The following SOX6 variants were observed in gnomAD, a reference collection of about 807,000 sequenced individuals.
SOX6 encodes SRY-box transcription factor 6.
A neutral mutation model predicts 97.8 loss-of-function variants in SOX6; 11 were observed. That is an observed-to-expected ratio of 0.11 (90% CI 0.07 to 0.19). The LOEUF is 0.19. SOX6 is among the 10% of genes least tolerant of loss of function. The pLI is 1.00. For missense variants in SOX6, 810 were observed against 1,039.5 expected, an observed-to-expected ratio of 0.78 and a Z score of 3.04; for synonymous variants, 360 against 371.4, an observed-to-expected ratio of 0.97 and a Z score of 0.35.
At chr11:16,079,042 C>A (rs927872606) in intron 9 of SOX6, among the ~76,000 whole-genome samples, 1 of 152,078 alleles carries the variant, frequency 6.6e-6, no homozygotes, top group African/African-American at 2.4e-5. Context: ...TGAGTTTCTA[C>A]GAAACACCAT....
chr11:16,398,434 G>A (rs770237537), intron 1 of SOX6, among the ~76,000 whole-genome samples: 4 of 151,356 alleles, frequency 2.6e-5, no homozygotes, highest in African/African-American at 9.7e-5. Context: ...CCTATTCATC[G>A]TACCGGGTGT....
chr11:16,575,288 G>A (rs916018196), intron 4 of SOX6, among the ~76,000 whole-genome samples: 2 of 152,122 alleles, frequency 1.3e-5, no homozygotes, highest in East Asian at 3.8e-4. Context: ...ATGTTAATAG[G>A]CTGTTGGTAA....
intron 3 of SOX6, chr11:16,311,352 C>T (rs966511987): frequency 2.0e-5 from 3 of 152,040 alleles, no homozygotes; most frequent in African/African-American, 7.2e-5. Flanking sequence ...ATTAATATGT[C>T]AAATCCTCAC....
chr11:16,200,991 C>T (rs1022885724), intron 4 of SOX6, among the ~76,000 whole-genome samples: 3 of 151,920 alleles, frequency 2.0e-5, no homozygotes, highest in Non-Finnish European at 2.9e-5. Context: ...GTGGTGGGCA[C>T]CTGTAATCCC....
intron 1 of SOX6, among the ~76,000 whole-genome samples, chr11:16,445,512 A>G (rs182686757): frequency 6.6e-6 from 1 of 152,174 alleles, no homozygotes; most frequent in Admixed American, 6.5e-5. Context: ...AGCTATTGGG[A>G]AACATCTCAA....
intron 3 of SOX6, among the ~76,000 whole-genome samples, chr11:16,618,543 A>G (rs1444728472): frequency 6.6e-6 from 1 of 151,932 alleles, no homozygotes; most frequent in Non-Finnish European, 1.5e-5. Flanking sequence ...TCTCCTTGAT[A>G]GGATTAGGAG....
At chr11:16,692,217 T>G (rs1014821) in intron 3 of SOX6, among the ~76,000 whole-genome samples, 24,736 of 152,018 alleles carry the variant, frequency 0.16, 2,659 homozygotes, top group East Asian at 0.32. Flanking sequence ...ACTATAGGAA[T>G]GCACCACCAT....
intron 1 of SOX6, among the ~76,000 whole-genome samples, chr11:16,401,622 A>G (rs1400390350): frequency 6.6e-6 from 1 of 151,412 alleles, no homozygotes; most frequent in Non-Finnish European, 1.5e-5. Context: ...CGCTTTTTAA[A>G]TTTTTCAAAT....
In SOX6 at chr11:16,254,564, T is replaced by C. The variant is rs142066916; in HGVS notation, c.446-19893A>G. ...GCAGTATAGTTATTTGAAAGCGGAC[T>C]TGGATTAATTGTAACTGAATATTGT... On this transcript the variant is annotated intron_variant, in intron 3 of 15. Coordinates refer to ENST00000683767, the MANE Select transcript of SOX6 (RefSeq NM_001367873.1). 1.6e-3 allele frequency among the ~76,000 whole-genome samples: 238 copies of C among 152,140 alleles called. 1 individual carries two copies. The highest frequency in any genetic ancestry group is 5.4e-3 in the African/African-American group (223 of 41,546).
chr11:16,057,984 T>A (rs1330998616), intron 9 of SOX6, among the ~76,000 whole-genome samples: 17 of 152,124 alleles, frequency 1.1e-4, no homozygotes, highest in Admixed American at 1.1e-3. Context: ...GACTTTTACA[T>A]TCATTGTTCA....
intron 4 of SOX6, among the ~76,000 whole-genome samples, chr11:16,597,649 T>C (rs1565189702): frequency 6.6e-6 from 1 of 151,976 alleles, no homozygotes; most frequent in East Asian, 1.9e-4. Flanking sequence ...TGGGTATATT[T>C]GACAAAAAGA....
intron 3 of SOX6, among the ~76,000 whole-genome samples, chr11:16,714,671 C>T (rs1309945322): frequency 1.3e-5 from 2 of 151,948 alleles, no homozygotes; most frequent in Non-Finnish European, 2.9e-5. Flanking sequence ...AGAATGGTCT[C>T]GATCTCTTGA....
intron 1 of SOX6, among the ~76,000 whole-genome samples, chr11:16,386,781 T>C (rs1329927488): frequency 1.3e-5 from 2 of 152,182 alleles, no homozygotes; most frequent in African/African-American, 4.8e-5. Context: ...TCCCTTTTCC[T>C]TCATAGTATT....
At chr11:16,056,406 G>A (rs1847816202) in intron 9 of SOX6, among the ~76,000 whole-genome samples, 1 of 152,100 alleles carries the variant, frequency 6.6e-6, no homozygotes, top group Admixed American at 6.6e-5. Flanking sequence ...AATGAGTGCT[G>A]TTCCCAAGGC....
At chr11:16,151,299 C>G (rs533165174) in intron 6 of SOX6, among the ~76,000 whole-genome samples, 1 of 152,066 alleles carries the variant, frequency 6.6e-6, no homozygotes, top group Non-Finnish European at 1.5e-5. Context: ...GACAATAGTG[C>G]GTAACGAAAG....
At chr11:16,447,943 C>A (rs1389294878) in intron 1 of SOX6, among the ~76,000 whole-genome samples, 1 of 152,314 alleles carries the variant, frequency 6.6e-6, no homozygotes, top group South Asian at 2.1e-4. Flanking sequence ...AGAAACAGAG[C>A]TAATCAAGTT....
intron 2 of SOX6, among the ~76,000 whole-genome samples, chr11:16,726,877 C>A (rs1848310180): frequency 6.6e-6 from 1 of 152,188 alleles, no homozygotes; most frequent in African/African-American, 2.4e-5. Flanking sequence ...ACCGTGATAA[C>A]CTCAGAACTA....
chr11:16,652,419 G>C (rs1847666890), intron 3 of SOX6, among the ~76,000 whole-genome samples: 1 of 152,090 alleles, frequency 6.6e-6, no homozygotes, highest in South Asian at 2.1e-4. Context: ...TAGGTACATA[G>C]ACCAATGAAA....
At position 16,502,596 on chromosome 11, in the gene SOX6, C is replaced by A. The variant is rs192990208; in HGVS notation, n.610-26208G>T. ...AATACATTTGAAAGCTTCGATCATA[C>A]ACTATATCAAGTAGAAGAACAAATT... On this transcript the variant is annotated intron_variant and non_coding_transcript_variant, in intron 4 of 5. Coordinates refer to the SOX6 transcript ENST00000524520. Among the ~76,000 whole-genome samples the A allele has an allele frequency of 3.3e-5, 5 of 152,104 alleles. No individual in the cohort carries two copies. In the East Asian group the frequency reaches 9.7e-4, roughly 29 times the overall value.
Sources: gnomAD v4.1 joint callset for allele counts (sites outside exome capture counted in the v4.1 genomes callset) on GRCh38, gnomAD v4.1.1 for gene constraint, MANE v1.5 for transcripts, NCBI Gene and HGNC (gene_info 2026-07-23, HGNC 2026-07-21) for gene names.